The following SYNE1 variants were observed in gnomAD, a reference collection of about 807,000 sequenced individuals.
SYNE1 encodes the protein spectrin repeat containing nuclear envelope protein 1.
A neutral mutation model predicts 1,111.0 loss-of-function variants in SYNE1; 616 were observed. The observed-to-expected ratio is 0.55, with a 90% confidence interval of 0.52 to 0.59. The LOEUF (loss-of-function observed/expected upper bound fraction) is 0.59, where lower values mean the gene tolerates loss of function less well. Ranked by LOEUF, SYNE1 falls within the 20% of genes least tolerant of loss-of-function variation. The pLI, the probability that SYNE1 is intolerant of heterozygous loss-of-function variation, is 0.00. For missense variants in SYNE1, 10,006 were observed against 10,417.0 expected (o/e 0.96, Z 1.72); for synonymous variants, 3,855 against 3,825.8 (o/e 1.01, Z -0.28).
At chr6:152,374,043 C>G (rs2097235724) in intron 58 of SYNE1, among the ~76,000 whole-genome samples, 1 of 152,152 alleles carries the variant, frequency 6.6e-6, no homozygotes, top group South Asian at 2.1e-4. Flanking sequence ...GAATCTTATT[C>G]AAATAAATGC....
intron 7 of SYNE1, 131 bp downstream of exon 7, chr6:152,510,880 G>A: frequency 3.4e-6 from 3 of 873,208 alleles, no homozygotes; most frequent in Non-Finnish European, 5.8e-6. Flanking sequence ...CAACGTATGT[G>A]TGAAAGGTAC....
At chr6:152,202,786 G>A (rs1404392761) in intron 126 of SYNE1, among the ~76,000 whole-genome samples, 1 of 151,924 alleles carries the variant, frequency 6.6e-6, no homozygotes, top group Non-Finnish European at 1.5e-5. Flanking sequence ...AAAAAAAAAA[G>A]AGGATATGGC....
At chr6:152,442,020 G>A (rs961314513) in intron 31 of SYNE1, 55 bp downstream of exon 31, 8 of 1,605,666 alleles carry the variant, frequency 5.0e-6, no homozygotes, top group African/African-American at 2.7e-5. Context: ...AGGCACAACC[G>A]GAAGTGAACA....
intron 105 of SYNE1, among the ~76,000 whole-genome samples, chr6:152,247,553 C>T (rs2087556435): frequency 6.6e-6 from 1 of 151,068 alleles, no homozygotes; most frequent in Admixed American, 6.6e-5. Flanking sequence ...CTTTAAAAAG[C>T]AGATGAAATT....
chr6:152,418,650 C>A (rs955937889), intron 40 of SYNE1, among the ~76,000 whole-genome samples: 11 of 152,052 alleles, frequency 7.2e-5, no homozygotes, highest in South Asian at 4.2e-4. Context: ...ACTGAGAGAA[C>A]CTGAGGAGCA....
At chr6:152,268,026 A>G (rs200881487) in intron 100 of SYNE1, 30 bp downstream of exon 100, 7 of 1,559,660 alleles carry the variant, frequency 4.5e-6, no homozygotes, top group Admixed American at 1.7e-5. Context: ...AAACACAATG[A>G]AGAGAAAATG....
At chr6:152,389,086 CA>C (rs199610363) in intron 53 of SYNE1, among the ~76,000 whole-genome samples, 2,215 of 152,150 alleles carry the variant, frequency 0.015, 57 homozygotes, top group African/African-American at 0.05. Flanking sequence ...ATAACAACAA[CA>C]AAAAAACCCT....
chr6:152,429,882 G>A lies in SYNE1; in HGVS notation c.4788+230C>T, dbSNP rs548400. ...CTCATCCTAATTAAAAGAGAGAAAT[G>A]TATTTGAAATGAATACTCCTTTAAT... is the stretch of plus-strand genomic sequence containing the variant. On this transcript the variant is annotated intron_variant, in intron 36 of 145. Transcript: ENST00000367255. Among the ~76,000 whole-genome samples the A allele has an allele frequency of 0.37, 56,243 of 151,950 alleles. 10,874 individuals are homozygous for A. The highest frequency in any genetic ancestry group is 0.75 in the East Asian group (3,881 of 5,186).
intron 145 of SYNE1, 145 bp from the exon 146 acceptor site, chr6:152,122,821 C>A: frequency 8.5e-7 from 1 of 1,182,528 alleles, no homozygotes; most frequent in Non-Finnish European, 1.2e-6. Context: ...CCACAGTGTG[C>A]CCAGGTCACC....
Position 152,362,159 on chromosome 6 carries a change from C to A in SYNE1, c.10299+11G>T. 6.2e-7 allele frequency: 1 copy of A among 1,614,166 alleles called. No individual in the cohort carries two copies. Among genetic ancestry groups the A allele is most frequent in the East Asian group, 2.2e-5 (1 of 44,882 alleles). ...TGAGAAAACACATGGAATCTGAAAT[C>A]CAGCTCTCACCTTGGCTTTTCCGAG... is the stretch of plus-strand genomic sequence containing the variant. On this transcript the variant is annotated intron_variant, in intron 64 of 145. Coordinates refer to ENST00000367255, the MANE Select transcript of SYNE1 (RefSeq NM_182961.4).
At chr6:152,436,938 G>A (rs1340820299) in intron 32 of SYNE1, among the ~76,000 whole-genome samples, 1 of 152,072 alleles carries the variant, frequency 6.6e-6, no homozygotes, top group Admixed American at 6.5e-5. Context: ...GGCTGAGGCA[G>A]GAGGATCACT....
rs545128447 is a variant in SYNE1 at position 152,187,182 on chromosome 6, G to A, written c.23301+2070C>T. On this transcript the variant is annotated intron_variant, in intron 128 of 145. Transcript: ENST00000367255. ...AAGCCATCTCATACATGTATCCCCC[G>A]TTTTAAAAAGTATATATTCATAGGA... Among the ~76,000 whole-genome samples, 53 of 152,134 alleles carry A rather than the reference G, an allele frequency of 3.5e-4. 1 individual carries two copies. In the South Asian group the frequency reaches 6.0e-3, roughly 17 times the overall value.
intron 32 of SYNE1, among the ~76,000 whole-genome samples, chr6:152,439,806 T>C (rs1483300282): frequency 6.6e-6 from 1 of 152,184 alleles, no homozygotes; most frequent in Admixed American, 6.5e-5. Flanking sequence ...AGTCTTTCTA[T>C]AAACCCCAAA....
At chr6:152,355,195 C>T (rs1217037376) in intron 66 of SYNE1, among the ~76,000 whole-genome samples, 3 of 152,190 alleles carry the variant, frequency 2.0e-5, no homozygotes, top group Non-Finnish European at 2.9e-5. Context: ...CATACACACA[C>T]ACACACCCCA....
At chr6:152,487,663 T>C (rs180878072) in intron 12 of SYNE1, among the ~76,000 whole-genome samples, 96 of 152,324 alleles carry the variant, frequency 6.3e-4, no homozygotes, top group Non-Finnish European at 8.7e-4. Context: ...ATCCCTTTAA[T>C]GGACCCTCCA....
chr6:152,280,946 G>A (rs1226345604), intron 97 of SYNE1, among the ~76,000 whole-genome samples: 1 of 152,054 alleles, frequency 6.6e-6, no homozygotes, highest in African/African-American at 2.4e-5. Flanking sequence ...CCAAAATGGT[G>A]TACCGTAAAT....
intron 4 of SYNE1, among the ~76,000 whole-genome samples, chr6:152,536,568 C>A (rs1311074678): frequency 2.0e-5 from 3 of 150,382 alleles, no homozygotes; most frequent in African/African-American, 4.9e-5. Flanking sequence ...TGGCCACTCC[C>A]AATGGCGGCC....
chr6:152,324,077 A>G (rs888885081), intron 81 of SYNE1, among the ~76,000 whole-genome samples: 1 of 152,260 alleles, frequency 6.6e-6, no homozygotes, highest in Non-Finnish European at 1.5e-5. Flanking sequence ...AAGGAAAATA[A>G]TGGCTTAAAA....
rs1193284726 is a variant in SYNE1 at position 152,334,020 on chromosome 6, T to C, written c.12782A>G (p.Asp4261Gly). The change falls in exon 77 of 146, where the codon GAT (aspartate) becomes GGT (glycine). Residue 4261 changes from aspartate (D) to glycine (G), a missense_variant. Transcript: ENST00000367255. ...GAATTTCTGTTACCTGGCCAAGTTA[T>C]CCCATTCTGTAGTAAATTTTTCTAG... ...VFLEKFTTEW[D>G]NLARSDAEST... is the part of the protein sequence containing the mutation. 3.7e-6 allele frequency: 6 copies of C among 1,614,048 alleles called. No homozygotes were observed. Among genetic ancestry groups the C allele is most frequent in the Non-Finnish European group, 5.1e-6 (6 of 1,180,032 alleles).
Sources: allele counts gnomAD v4.1 joint callset (sites outside exome capture counted in the v4.1 genomes callset), GRCh38; gene constraint gnomAD v4.1.1; transcripts MANE v1.5; gene names NCBI Gene and HGNC (gene_info 2026-07-23, HGNC 2026-07-21).